The following JAK2 variants were observed in gnomAD, a reference collection of about 807,000 sequenced individuals.
JAK2 encodes the protein Janus kinase 2, also known as tyrosine-protein kinase JAK2.
JAK2 carries 86 observed loss-of-function variants against 139.3 expected under a neutral mutation model. The ratio of observed to expected loss-of-function variants is 0.62; its 90% CI spans 0.52 to 0.74. The LOEUF is 0.74. JAK2 is among the 30% of genes least tolerant of loss of function. The pLI is 0.00. For synonymous variants in JAK2, 490 were observed against 437.7 expected (o/e 1.12, Z -1.49); for missense variants, 1,421 against 1,360.3 (o/e 1.04, Z -0.70).
intron 13 of JAK2, 52 bp downstream of exon 13, chr9:5,072,678 C>T: frequency 7.3e-7 from 1 of 1,369,130 alleles, no homozygotes; most frequent in Non-Finnish European, 9.8e-7. Flanking sequence ...TAAAGATGTG[C>T]TCTCATATGC....
chr9:5,078,042 C>G (rs77885555), intron 15 of JAK2, among the ~76,000 whole-genome samples: 37 of 152,250 alleles, frequency 2.4e-4, no homozygotes, highest in African/African-American at 8.7e-4. Flanking sequence ...GAAACACAAA[C>G]CATGTCAGCC....
At chr9:5,084,603 T>G (rs1819940991) in intron 19 of JAK2, among the ~76,000 whole-genome samples, 1 of 152,200 alleles carries the variant, frequency 6.6e-6, no homozygotes, top group Non-Finnish European at 1.5e-5. Flanking sequence ...TTGTGAAATC[T>G]TTTCTTTTGC....
chr9:5,014,169 T>C (rs978266441), intron 2 of JAK2, among the ~76,000 whole-genome samples: 6 of 149,036 alleles, frequency 4.0e-5, no homozygotes, highest in Non-Finnish European at 9.0e-5. Context: ...TCTTTCTTTT[T>C]TTTTTTTTTT....
intron 19 of JAK2, among the ~76,000 whole-genome samples, chr9:5,083,327 G>A (rs1263644670): frequency 6.6e-6 from 1 of 152,180 alleles, no homozygotes; most frequent in Non-Finnish European, 1.5e-5. Context: ...ACCAGGGAAT[G>A]CTCAGTTCTT....
chr9:5,032,108 G>A (rs1009704472), intron 4 of JAK2, among the ~76,000 whole-genome samples: 2 of 152,138 alleles, frequency 1.3e-5, no homozygotes, highest in Non-Finnish European at 2.9e-5. Flanking sequence ...CATATCCCGC[G>A]CCTGGCTCAG....
At chr9:5,017,948 T>C (rs1183693961) in intron 2 of JAK2, among the ~76,000 whole-genome samples, 1 of 152,252 alleles carries the variant, frequency 6.6e-6, no homozygotes, top group African/African-American at 2.4e-5. Flanking sequence ...TTGCATGGAA[T>C]ATCTTTTTCT....
chr9:4,996,332 G>C (rs1209775881), intron 2 of JAK2, among the ~76,000 whole-genome samples: 1 of 152,010 alleles, frequency 6.6e-6, no homozygotes, highest in African/African-American at 2.4e-5. Context: ...CCTGTAATCT[G>C]AGCTACTTGG....
chr9:5,065,559 T>G (rs961885908), intron 9 of JAK2, among the ~76,000 whole-genome samples: 3 of 152,198 alleles, frequency 2.0e-5, no homozygotes, highest in Non-Finnish European at 2.9e-5. Flanking sequence ...GTTTAGCATT[T>G]GAGATGTGGC....
intron 6 of JAK2, among the ~76,000 whole-genome samples, chr9:5,052,610 C>A (rs1315297917): frequency 6.6e-6 from 1 of 152,050 alleles, no homozygotes; most frequent in African/African-American, 2.4e-5. Flanking sequence ...TGCATCCTTT[C>A]TGAAAGAAAC....
chr9:5,029,709 T>G, intron 3 of JAK2, 74 bp from the exon 4 acceptor site: 2 of 1,346,254 alleles, frequency 1.5e-6, no homozygotes, highest in Non-Finnish European at 2.0e-6. Flanking sequence ...TTAGCTTCAT[T>G]TCAAATTATA....
chr9:5,108,583 T>G (rs750050419), intron 22 of JAK2: 1 of 152,094 alleles, frequency 6.6e-6, no homozygotes, highest in East Asian at 1.9e-4. Flanking sequence ...AAAGCCCATG[T>G]AGAAGCCCCT....
intron 2 of JAK2, among the ~76,000 whole-genome samples, chr9:4,999,120 C>T (rs1204246641): frequency 1.3e-5 from 2 of 152,034 alleles, no homozygotes; most frequent in African/African-American, 4.8e-5. Context: ...CCACCGCACC[C>T]GGGCTCAGGA....
chr9:5,069,731 G>A (rs973368903), intron 11 of JAK2, among the ~76,000 whole-genome samples, 194 bp from the exon 12 acceptor site: 3 of 152,082 alleles, frequency 2.0e-5, no homozygotes, highest in Admixed American at 1.3e-4. Context: ...AATTTTGAAT[G>A]TATGAAGTAA....
At chr9:5,106,363 G>A (rs1245353976) in intron 22 of JAK2, among the ~76,000 whole-genome samples, 1 of 152,220 alleles carries the variant, frequency 6.6e-6, no homozygotes, top group Non-Finnish European at 1.5e-5. Context: ...TCTCATGCCA[G>A]TTAGAATGGT....
intron 22 of JAK2, chr9:5,114,075 C>A: frequency 2.9e-6 from 1 of 341,564 alleles, no homozygotes. Flanking sequence ...CAAGCTCACC[C>A]TCACCCAGAA....
At chr9:5,097,088 T>C (rs1260942938) in intron 22 of JAK2, 3 of 152,168 alleles carry the variant, frequency 2.0e-5, no homozygotes, top group Admixed American at 6.5e-5. Context: ...GCAGGATCCT[T>C]TGTGGGTCTT....
At chr9:5,046,555 C>T (rs947086468) in intron 5 of JAK2, among the ~76,000 whole-genome samples, 6 of 152,092 alleles carry the variant, frequency 3.9e-5, no homozygotes, top group Admixed American at 3.9e-4. Flanking sequence ...GGCATTGGGT[C>T]CATTTTGAGT....
At chr9:5,025,340 TTC>T (rs1822711188) in intron 3 of JAK2, among the ~76,000 whole-genome samples, 1 of 152,336 alleles carries the variant, frequency 6.6e-6, no homozygotes, top group East Asian at 1.9e-4. Flanking sequence ...TCTTGGTCTA[TTC>T]TCTGTGATAG....
Position 5,050,766 on chromosome 9 carries a change from G to A in JAK2, c.549G>A (p.Val183=), listed in dbSNP as rs1201288158. The A allele has an allele frequency of 6.2e-7, 1 of 1,613,264 alleles. No homozygotes were observed. Among genetic ancestry groups the A allele is most frequent in the Middle Eastern group, 1.7e-4 (1 of 6,060 alleles). ...AGGAAGAATGTCTTGGGATGGCAGT[G>A]TTAGATATGATGAGAATAGCCAAAG... ...ETQEECLGMA[V]LDMMRIAKEN... is the part of the protein sequence containing the mutation. The change falls in exon 6 of 25, where the codon GTG becomes GTA. Residue 183 remains valine, a synonymous_variant. Transcript: ENST00000381652.
Sources: gnomAD v4.1 joint callset for allele counts (sites outside exome capture counted in the v4.1 genomes callset) on GRCh38, gnomAD v4.1.1 for gene constraint, MANE v1.5 for transcripts, NCBI Gene and HGNC (gene_info 2026-07-23, HGNC 2026-07-21) for gene names.